Variants in RAB5C observed in about 807,000 individuals in gnomAD.
RAB5C encodes RAB5C, member RAS oncogene family.
In RAB5C, 4 loss-of-function variants were observed where a neutral mutation model predicts 25.2. The ratio of observed to expected loss-of-function variants is 0.16; its 90% CI spans 0.08 to 0.36. The LOEUF (loss-of-function observed/expected upper bound fraction) is 0.36, where lower values mean the gene tolerates loss of function less well. Ranked by LOEUF, RAB5C falls within the 10% of genes least tolerant of loss-of-function variation. The probability of loss-of-function intolerance (pLI) is 1.00; values close to 1 mark genes in which losing one functional copy is unlikely to be tolerated. For missense variants in RAB5C, 199 were observed against 283.8 expected (o/e 0.70, Z 2.15); for synonymous variants, 100 against 106.4 (o/e 0.94, Z 0.37).
chr17:42,143,917 C>G (rs931256506), intron 1 of RAB5C, among the ~76,000 whole-genome samples: 3 of 151,962 alleles, frequency 2.0e-5, no homozygotes, highest in Non-Finnish European at 2.9e-5. Flanking sequence ...ACCAGAGTAG[C>G]TAGGATTACA....
chr17:42,142,194 A>G (rs922270595), intron 1 of RAB5C, among the ~76,000 whole-genome samples: 30 of 151,062 alleles, frequency 2.0e-4, no homozygotes, highest in African/African-American at 7.3e-4. Context: ...CATTAACACA[A>G]AGCATCTTGG....
At chr17:42,128,613 T>G in intron 3 of RAB5C, 36 bp downstream of exon 3, 1 of 1,428,352 alleles carries the variant, frequency 7.0e-7, no homozygotes, top group Admixed American at 2.7e-5. Context: ...TTTGAGAAGA[T>G]GAAGGGCAAA....
chr17:42,145,535 T>A (rs1363763091), intron 1 of RAB5C, among the ~76,000 whole-genome samples: 1 of 152,220 alleles, frequency 6.6e-6, no homozygotes, highest in Non-Finnish European at 1.5e-5. Context: ...AGCTCACGCA[T>A]GTAATCCCAC....
At chr17:42,150,655 CAGG>C (rs1430762109) in intron 1 of RAB5C, among the ~76,000 whole-genome samples, 1 of 149,584 alleles carries the variant, frequency 6.7e-6, no homozygotes, top group Admixed American at 6.7e-5. Context: ...CACCTGAGGT[CAGG>C]AGTTTGAGAC....
At chr17:42,136,587 T>G (rs1014118909) in intron 1 of RAB5C, 5 of 152,212 alleles carry the variant, frequency 3.3e-5, no homozygotes, top group African/African-American at 9.7e-5. Flanking sequence ...TGGTATTCTT[T>G]AATACTAATT....
chr17:42,147,427 G>A (rs956571021), intron 1 of RAB5C, among the ~76,000 whole-genome samples: 7 of 152,162 alleles, frequency 4.6e-5, no homozygotes, highest in Non-Finnish European at 5.9e-5. Context: ...GTCTGGGGTC[G>A]GTGCTGCCTC....
rs775144170 is a variant in RAB5C, at chr17:42,128,807, G to A, written c.167-7C>T. The stretch of plus-strand genomic sequence containing the variant: ...GTCTGTGTGAGGAAGGCCGCTGTAA[G>A]AGAGAAGGAGCGTCCATGGGCAAGA... On this transcript the variant is annotated splice_region_variant and splice_polypyrimidine_tract_variant and intron_variant, in intron 2 of 5. Coordinates refer to ENST00000346213, the MANE Select transcript of RAB5C (RefSeq NM_004583.4). The A allele has an allele frequency of 2.1e-5, 31 of 1,480,270 alleles. No individual in the cohort carries two copies. In the South Asian group the frequency reaches 3.9e-4, roughly 19 times the overall value. 91.7% of individuals were successfully genotyped at this position (1,480,270 alleles called of 1,614,324 possible).
intron 1 of RAB5C, chr17:42,131,544 C>G: frequency 6.9e-7 from 1 of 1,457,060 alleles, no homozygotes; most frequent in Non-Finnish European, 9.3e-7. Flanking sequence ...CAGAAACACA[C>G]ACCAAAGTCA....
chr17:42,146,365 C>T (rs2079635038), intron 1 of RAB5C, among the ~76,000 whole-genome samples: 1 of 152,202 alleles, frequency 6.6e-6, no homozygotes, highest in South Asian at 2.1e-4. Flanking sequence ...TGTGAGAAAA[C>T]TCTGTACTAT....
chr17:42,130,943 A>C (rs2054479331), intron 1 of RAB5C, among the ~76,000 whole-genome samples: 1 of 152,194 alleles, frequency 6.6e-6, no homozygotes, highest in Non-Finnish European at 1.5e-5. Context: ...AGTTAAGTCA[A>C]CAGGCTTTTG....
At chr17:42,130,135 A>C in intron 2 of RAB5C, 1 of 650,980 alleles carries the variant, frequency 1.5e-6, no homozygotes, top group Non-Finnish European at 2.5e-6. Context: ...CTCCCAGCAA[A>C]TGCTTACTAG....
In RAB5C at chr17:42,131,323, G is replaced by A. The variant is rs1006825290; in HGVS notation, c.-88-733C>T. Among the ~76,000 whole-genome samples the A allele has an allele frequency of 9.9e-5, 15 of 151,546 alleles. No individual in the cohort carries two copies. Among genetic ancestry groups the A allele is most frequent in the Non-Finnish European group, 1.5e-5 (1 of 67,926 alleles). On this transcript the variant is annotated intron_variant, in intron 1 of 5. Transcript: ENST00000346213. ...CTCATTTTTGATGGGCCAAAGTCTCGCACCCATTAAAAAACAAAACACACA... is the reference window on the plus strand; with the variant it reads ...CTCATTTTTGATGGGCCAAAGTCTCACACCCATTAAAAAACAAAACACACA...
intron 4 of RAB5C, among the ~76,000 whole-genome samples, 153 bp downstream of exon 4, chr17:42,128,108 T>A (rs2054446471): frequency 6.6e-6 from 1 of 152,176 alleles, no homozygotes; most frequent in Admixed American, 6.5e-5. Context: ...ACAGGAGCCA[T>A]GTTAGGCCCA....
At chr17:42,136,768 TGAG>T (rs112862464) in intron 1 of RAB5C, among the ~76,000 whole-genome samples, 65 of 151,708 alleles carry the variant, frequency 4.3e-4, no homozygotes, top group Non-Finnish European at 6.8e-4. Flanking sequence ...AAAATGAAGG[TGAG>T]GAGAAGTGAC....
intron 1 of RAB5C, among the ~76,000 whole-genome samples, chr17:42,144,183 G>A (rs553113306): frequency 4.6e-5 from 7 of 152,198 alleles, no homozygotes; most frequent in African/African-American, 7.2e-5. Flanking sequence ...TAGGCCAGGC[G>A]CAGTGGCTCA....
chr17:42,127,512 A>G (rs1341551207), intron 4 of RAB5C, among the ~76,000 whole-genome samples: 3 of 152,082 alleles, frequency 2.0e-5, no homozygotes, highest in Admixed American at 6.6e-5. Context: ...GGTGACGGGC[A>G]ATTCCTTTTA....
Position 42,125,679 on chromosome 17 carries a change from C to G in RAB5C, c.*104G>C. 1.4e-6 allele frequency: 1 copy of G among 737,654 alleles called. No individual in the cohort carries two copies. Among genetic ancestry groups the G allele is most frequent in the Non-Finnish European group, 2.2e-6 (1 of 446,938 alleles). The allele number at this position is 737,654 out of a possible 1,614,324, so 45.7% of individuals were successfully genotyped here. On this transcript the variant is annotated 3_prime_UTR_variant, in exon 6 of 6. Transcript: ENST00000346213. ...AAATCATGGTGGACCCCTCCCCCTG[C>G]CCCCCCAGTGGTGGCCCGAGTCGTT...
chr17:42,128,408 G>A (rs373081313), intron 3 of RAB5C, 25 bp from the exon 4 acceptor site: 70 of 1,604,344 alleles, frequency 4.4e-5, no homozygotes, highest in Non-Finnish European at 5.5e-5. Flanking sequence ...ACAGAATGTC[G>A]AAGGGACAGA....
In RAB5C at chr17:42,125,041, CATACA is replaced by C. The variant is rs1336587116; in HGVS notation, c.*737_*741del. On this transcript the variant is annotated 3_prime_UTR_variant, in exon 6 of 6. Coordinates refer to ENST00000346213, the MANE Select transcript of RAB5C (RefSeq NM_004583.4). Reference sequence around the variant, plus strand: ...CTGATTGGTTACATGTTGAAGAAAACATACAATACAAAATACAGAAAAAGTTGGTT... The same window carrying C: ...CTGATTGGTTACATGTTGAAGAAAACATACAAAATACAGAAAAAGTTGGTT... The C allele has an allele frequency of 5.9e-5, 9 of 152,760 alleles. No individual in the cohort carries two copies. The highest frequency in any genetic ancestry group is 2.1e-4 in the South Asian group (1 of 4,832). 9.5% of individuals were successfully genotyped at this position (152,760 alleles called of 1,614,324 possible). A position where few individuals can be genotyped will look rare whatever the true frequency, so the allele number is the denominator to read the frequency against.
Sources: gnomAD v4.1 joint callset for allele counts (sites outside exome capture counted in the v4.1 genomes callset) on GRCh38, gnomAD v4.1.1 for gene constraint, MANE v1.5 for transcripts, NCBI Gene and HGNC (gene_info 2026-07-23, HGNC 2026-07-21) for gene names.